ZC3H14: variants seen among roughly 807,000 people sequenced by gnomAD.
The protein encoded by ZC3H14 is zinc finger CCCH-type containing 14, also known as zinc finger CCCH domain-containing protein 14.
A neutral mutation model predicts 92.4 loss-of-function variants in ZC3H14; 31 were observed. That is an observed-to-expected ratio of 0.34 (90% CI 0.25 to 0.45). The LOEUF is 0.45. Among genes scored for constraint, ZC3H14 ranks in the 20% least tolerant of loss-of-function variants. The pLI, the probability that ZC3H14 is intolerant of heterozygous loss-of-function variation, is 1.00. For missense variants in ZC3H14, 781 were observed against 897.3 expected, an observed-to-expected ratio of 0.87 and a Z score of 1.66; for synonymous variants, 321 against 300.9, an observed-to-expected ratio of 1.07 and a Z score of -0.69.
intron 9 of ZC3H14, among the ~76,000 whole-genome samples, chr14:88,593,187 C>T (rs186611025): frequency 8.6e-5 from 13 of 151,870 alleles, no homozygotes; most frequent in African/African-American, 2.7e-4. Flanking sequence ...AGGCTGGTCT[C>T]GAACTCCTGA....
At chr14:88,586,306 T>G (rs1489947590) in intron 9 of ZC3H14, among the ~76,000 whole-genome samples, 1 of 152,268 alleles carries the variant, frequency 6.6e-6, no homozygotes, top group African/African-American at 2.4e-5. Flanking sequence ...GGGATCATTA[T>G]TTTCCAATAT....
intron 15 of ZC3H14, 88 bp downstream of exon 15, chr14:88,609,891 G>A (rs1198344616): frequency 1.4e-5 from 20 of 1,402,800 alleles, no homozygotes; most frequent in East Asian, 2.4e-5. Context: ...TACTACATTG[G>A]TGCAAAAGTA....
intron 14 of ZC3H14, 35 bp downstream of exon 14, chr14:88,609,438 A>G (rs2086170911): frequency 6.2e-7 from 1 of 1,613,602 alleles, no homozygotes; most frequent in Non-Finnish European, 8.5e-7. Flanking sequence ...ATTTGGGTAA[A>G]AAATATAAAA....
At position 88,618,622 on chromosome 14, in the gene ZC3H14, A is replaced by G; in HGVS notation, c.*6871A>G. The G allele has an allele frequency of 1.3e-6, 2 of 1,583,448 alleles. No individual in the cohort carries two copies. The highest frequency in any genetic ancestry group is 1.7e-6 in the Non-Finnish European group (2 of 1,166,950). On this transcript the variant is annotated 3_prime_UTR_variant, in exon 17 of 17. Transcript: ENST00000251038. ...AAATGTAAAAGCAGAAGAACTTGCC[A>G]CCTGGGTATACAGTATTGGTACTGT...
At chr14:88,609,687 TC>T (rs1156880581) in intron 14 of ZC3H14, 24 bp from the exon 15 acceptor site, 1 of 1,613,084 alleles carries the variant, frequency 6.2e-7, no homozygotes, top group African/African-American at 1.3e-5. Context: ...AGATTGGAGA[TC>T]AGTCCTGGTT....
chr14:88,627,272 G>T lies in ZC3H14; in HGVS notation c.*15521G>T. ...TTTCTTTATATAACGTAAATGTTTT[G>T]TCTAAAGTGTGGTAGGTAATATTAT... On this transcript the variant is annotated 3_prime_UTR_variant, in exon 17 of 17. Transcript: ENST00000251038. 1 of 558,552 alleles carries T rather than the reference G, an allele frequency of 1.8e-6. No homozygotes were observed. Among genetic ancestry groups the T allele is most frequent in the Non-Finnish European group, 3.2e-6 (1 of 315,594 alleles). The allele number at this position is 558,552 out of a possible 1,614,324, so 34.6% of individuals were successfully genotyped here.
chr14:88,618,723 C>G lies in ZC3H14; in HGVS notation c.*6972C>G, dbSNP rs776449831. On this transcript the variant is annotated 3_prime_UTR_variant, in exon 17 of 17. Coordinates refer to ENST00000251038, the MANE Select transcript of ZC3H14 (RefSeq NM_024824.5). Reference sequence around the variant, plus strand: ...TGGAATGTCTTTGCAGTAGCTGATTCTGTTAAGAGTGGGGCCCAGCGTTAG... The same window carrying G: ...TGGAATGTCTTTGCAGTAGCTGATTGTGTTAAGAGTGGGGCCCAGCGTTAG... 1 of 1,610,348 alleles carries G rather than the reference C, an allele frequency of 6.2e-7. No individual in the cohort carries two copies. Among genetic ancestry groups the G allele is most frequent in the East Asian group, 2.2e-5 (1 of 44,830 alleles).
chr14:88,607,416 C>T lies in ZC3H14; in HGVS notation c.1868+53C>T, dbSNP rs548035407. ...GCAAGTGAGTACCATCCCCCCATCTCACCCTGCAAGTACCATCCCCCATCT... is the reference window on the plus strand; with the variant it reads ...GCAAGTGAGTACCATCCCCCCATCTTACCCTGCAAGTACCATCCCCCATCT... On this transcript the variant is annotated intron_variant, in intron 13 of 16. Transcript: ENST00000251038. 169 of 1,538,808 alleles carry T rather than the reference C, an allele frequency of 1.1e-4. 1 individual carries two copies. The African/African-American group carries it at 2.2e-3, about 20-fold the overall frequency.
At position 88,610,845 on chromosome 14, in the gene ZC3H14, T is replaced by C; in HGVS notation, c.2109T>C (p.Phe703=). The C allele has an allele frequency of 1.2e-6, 2 of 1,613,992 alleles. No homozygotes were observed. Among genetic ancestry groups the C allele is most frequent in the African/African-American group, 2.7e-5 (2 of 75,032 alleles). ...CPFYHPKHCR[F]NTQCTRPDCT... ...TTATCTCTATTCAGCATTGTAGGTTTAACACTCAATGTACAAGACCGGACT... is the reference window on the plus strand; with the variant it reads ...TTATCTCTATTCAGCATTGTAGGTTCAACACTCAATGTACAAGACCGGACT... Residue 703 remains phenylalanine, a synonymous_variant, in exon 16 of 17, where the codon TTT becomes TTC. Transcript: ENST00000251038.
At chr14:88,589,792 T>C (rs1051998664) in intron 9 of ZC3H14, 2 of 152,374 alleles carry the variant, frequency 1.3e-5, no homozygotes, top group African/African-American at 4.8e-5. Flanking sequence ...TCCAGATTTA[T>C]AGAATTCACT....
chr14:88,618,180 ACTGGC>A lies in ZC3H14; in HGVS notation c.*6432_*6436del. ...AACAGTTCAGAAATAGGATTTTCTA[ACTGGC>A]CTTCAAAGTCAGTTCTTGCCTTGTG... is the stretch of plus-strand genomic sequence containing the variant. On this transcript the variant is annotated 3_prime_UTR_variant, in exon 17 of 17. Coordinates refer to ENST00000251038, the MANE Select transcript of ZC3H14 (RefSeq NM_024824.5). The A allele has an allele frequency of 1.3e-6, 2 of 1,512,368 alleles. No homozygotes were observed. The highest frequency in any genetic ancestry group is 1.8e-6 in the Non-Finnish European group (2 of 1,092,596). 93.7% of individuals were successfully genotyped at this position (1,512,368 alleles called of 1,614,324 possible).
chr14:88,565,386 G>A (rs968087354), intron 2 of ZC3H14, among the ~76,000 whole-genome samples: 28 of 151,830 alleles, frequency 1.8e-4, no homozygotes, highest in African/African-American at 5.3e-4. Flanking sequence ...TGTGATTCGC[G>A]TGCCTCAGCC....
In ZC3H14 at chr14:88,625,257, C is replaced by CA; in HGVS notation, c.*13507dup. 9.2e-7 allele frequency: 1 copy of CA among 1,084,858 alleles called. No individual in the cohort carries two copies. The highest frequency in any genetic ancestry group is 1.3e-6 in the Non-Finnish European group (1 of 775,568). 67.2% of individuals were successfully genotyped at this position (1,084,858 alleles called of 1,614,324 possible). A position where few individuals can be genotyped will look rare whatever the true frequency, so the allele number is the denominator to read the frequency against. ...AAGAGCATGCATCGTGTAGTGGCAG[C>CA]AGCACTGAATTCACGAGTCAGGAAA... On this transcript the variant is annotated 3_prime_UTR_variant, in exon 17 of 17. Transcript: ENST00000251038.
intron 12 of ZC3H14, among the ~76,000 whole-genome samples, chr14:88,603,581 A>G (rs2084928785): frequency 6.6e-6 from 1 of 152,246 alleles, no homozygotes. Context: ...AGATAGCACC[A>G]TAGTTTTTGG....
chr14:88,578,234 A>G (rs555447841), intron 9 of ZC3H14, 94 bp downstream of exon 9: 1 of 1,477,298 alleles, frequency 6.8e-7, no homozygotes, highest in East Asian at 2.3e-5. Flanking sequence ...TTACACTATG[A>G]AAAAAGTGAT....
chr14:88,578,166 CTT>C, intron 9 of ZC3H14, 26 bp downstream of exon 9: 1 of 1,612,056 alleles, frequency 6.2e-7, no homozygotes, highest in African/African-American at 1.3e-5. Context: ...ATGTTTCACT[CTT>C]TACTACAGTT....
In ZC3H14 at chr14:88,621,202, T is replaced by A; in HGVS notation, c.*9451T>A. 1 of 1,613,958 alleles carries A rather than the reference T, an allele frequency of 6.2e-7. No individual in the cohort carries two copies. On this transcript the variant is annotated 3_prime_UTR_variant, in exon 17 of 17. Transcript: ENST00000251038. Reference sequence around the variant, plus strand: ...GAAGGATGTGTTGCTAGTCCCCAGATTGGCCCATCCACATGACCGTTAACT... The same window carrying A: ...GAAGGATGTGTTGCTAGTCCCCAGAATGGCCCATCCACATGACCGTTAACT...
chr14:88,601,887 C>A, intron 10 of ZC3H14, 37 bp from the exon 11 acceptor site: 1 of 1,611,854 alleles, frequency 6.2e-7, no homozygotes, highest in South Asian at 1.1e-5. Context: ...AAGGTATATT[C>A]AAAAGTAAAC....
chr14:88,578,861 G>T (rs1595587169), intron 9 of ZC3H14, among the ~76,000 whole-genome samples: 1 of 126,356 alleles, frequency 7.9e-6, no homozygotes, highest in South Asian at 2.7e-4. Flanking sequence ...CTTTGAAAGT[G>T]TGTCTCTCAT....
Sources: gnomAD v4.1 joint callset for allele counts (sites outside exome capture counted in the v4.1 genomes callset) on GRCh38, gnomAD v4.1.1 for gene constraint, MANE v1.5 for transcripts, NCBI Gene and HGNC (gene_info 2026-07-23, HGNC 2026-07-21) for gene names.